DLGAP2: variants seen among roughly 807,000 people sequenced by gnomAD.
DLGAP2 encodes DLG associated protein 2.
Under a neutral mutation model 100.3 loss-of-function variants are expected in DLGAP2, and 26 were observed. The ratio of observed to expected loss-of-function variants is 0.26; its 90% CI spans 0.19 to 0.36. The LOEUF (loss-of-function observed/expected upper bound fraction) is 0.36, where lower values mean the gene tolerates loss of function less well. Among genes scored for constraint, DLGAP2 ranks in the 10% least tolerant of loss-of-function variants. The pLI is 1.00. For synonymous variants in DLGAP2, 886 were observed against 630.1 expected, an observed-to-expected ratio of 1.41 and a Z score of -6.08; for missense variants, 1,858 against 1,453.2, an observed-to-expected ratio of 1.28 and a Z score of -4.53.
At chr8:1,666,913 C>T (rs1448595680) in intron 8 of DLGAP2, among the ~76,000 whole-genome samples, 2 of 152,142 alleles carry the variant, frequency 1.3e-5, no homozygotes. Flanking sequence ...CCTGCAGCAG[C>T]CGGCAGCTGC....
At chr8:1,002,038 C>G (rs777600583) in intron 2 of DLGAP2, 1 of 152,186 alleles carries the variant, frequency 6.6e-6, no homozygotes, top group Non-Finnish European at 1.5e-5. Flanking sequence ...TGGGACTGTG[C>G]TACCTGTTTA....
chr8:759,728 T>C (rs1166760510), intron 1 of DLGAP2, among the ~76,000 whole-genome samples: 4 of 152,210 alleles, frequency 2.6e-5, no homozygotes, highest in Non-Finnish European at 4.4e-5. Flanking sequence ...GGGGATGACT[T>C]ACACGCCCCT....
At chr8:1,381,782 AGTGTG>A (rs1291547953) in intron 3 of DLGAP2, among the ~76,000 whole-genome samples, 1 of 141,694 alleles carries the variant, frequency 7.1e-6, no homozygotes, top group Non-Finnish European at 1.5e-5. Flanking sequence ...GGGTTATTCT[AGTGTG>A]TGTGTGTGTG....
chr8:1,506,745 T>C (rs1799934202), intron 4 of DLGAP2, among the ~76,000 whole-genome samples: 1 of 152,220 alleles, frequency 6.6e-6, no homozygotes, highest in Admixed American at 6.5e-5. Flanking sequence ...GACAGGGTGC[T>C]GATTGGTGCA....
intron 3 of DLGAP2, among the ~76,000 whole-genome samples, chr8:1,424,527 G>T (rs1266396486): frequency 6.6e-6 from 1 of 152,240 alleles, no homozygotes; most frequent in Admixed American, 6.5e-5. Context: ...TACGACTTGG[G>T]TGAACCCTGA....
At chr8:900,110 C>T (rs1368335634) in intron 1 of DLGAP2, among the ~76,000 whole-genome samples, 1 of 152,078 alleles carries the variant, frequency 6.6e-6, no homozygotes, top group Non-Finnish European at 1.5e-5. Context: ...TGGGCGGCCT[C>T]CTCTTCACGG....
At position 1,156,727 on chromosome 8, in the gene DLGAP2, C is replaced by T. The variant is rs544720660; in HGVS notation, c.74-102124C>T. On this transcript the variant is annotated intron_variant, in intron 2 of 14. Coordinates refer to ENST00000637795, the MANE Select transcript of DLGAP2 (RefSeq NM_001346810.2). The stretch of plus-strand genomic sequence containing the variant: ...CCGGCTCAGCGACCCGGCTCAGCAC[C>T]CCAACTCAGCACCCCCGTTTGGTGC... Among the ~76,000 whole-genome samples, 4 of 152,218 alleles carry T rather than the reference C, an allele frequency of 2.6e-5. No individual in the cohort carries two copies. The East Asian group carries it at 7.7e-4, about 29-fold the overall frequency.
At chr8:1,338,831 T>C (rs75275280) in intron 3 of DLGAP2, among the ~76,000 whole-genome samples, 24,479 of 60,456 alleles carry the variant, frequency 0.4, 7,410 homozygotes, top group African/African-American at 0.75. Flanking sequence ...CTAAGGGAAG[T>C]GTCAGGACCT....
chr8:1,684,035 G>A (rs573222034), intron 12 of DLGAP2, among the ~76,000 whole-genome samples: 24 of 143,426 alleles, frequency 1.7e-4, no homozygotes, highest in African/African-American at 5.5e-4. Flanking sequence ...AGGCTGGAGC[G>A]CAGTGGCGCG....
intron 2 of DLGAP2, among the ~76,000 whole-genome samples, chr8:947,656 C>T (rs1317170281): frequency 6.6e-6 from 1 of 152,200 alleles, no homozygotes; most frequent in Non-Finnish European, 1.5e-5. Context: ...GCTGTCTGCT[C>T]TTGGCCGGGC....
At chr8:1,572,773 G>A (rs1196559298) in intron 6 of DLGAP2, among the ~76,000 whole-genome samples, 1 of 89,946 alleles carries the variant, frequency 1.1e-5, no homozygotes, top group African/African-American at 4.6e-5. Flanking sequence ...GGAGAGAGGG[G>A]TGAACTGTGG....
At chr8:1,382,998 C>A (rs947098247) in intron 3 of DLGAP2, among the ~76,000 whole-genome samples, 2 of 152,072 alleles carry the variant, frequency 1.3e-5, no homozygotes, top group African/African-American at 2.4e-5. Context: ...CAGGCTGATA[C>A]AATTAGCATA....
At chr8:1,561,513 T>G (rs963045721) in intron 5 of DLGAP2, among the ~76,000 whole-genome samples, 11 of 152,114 alleles carry the variant, frequency 7.2e-5, no homozygotes, top group Non-Finnish European at 1.2e-4. Flanking sequence ...AATCTGGAAC[T>G]TCCCATCCTG....
intron 6 of DLGAP2, among the ~76,000 whole-genome samples, chr8:1,623,588 T>C (rs559671836): frequency 7.5e-4 from 110 of 146,144 alleles, no homozygotes; most frequent in Admixed American, 1.6e-3. Context: ...GACACCAGTG[T>C]GTGATGACCT....
intron 2 of DLGAP2, among the ~76,000 whole-genome samples, chr8:974,739 C>G (rs936863402): frequency 2.0e-5 from 3 of 151,782 alleles, no homozygotes; most frequent in African/African-American, 7.3e-5. Context: ...TTTTGAGATA[C>G]CAAAAAGGCC....
intron 3 of DLGAP2, among the ~76,000 whole-genome samples, chr8:1,410,227 T>C (rs1158644891): frequency 6.6e-6 from 1 of 152,162 alleles, no homozygotes; most frequent in East Asian, 1.9e-4. Context: ...GGAATCTCAC[T>C]GGCTTCAGAG....
chr8:1,592,171 C>T lies in DLGAP2; in HGVS notation c.1442+26277C>T, dbSNP rs114012540. Among the ~76,000 whole-genome samples, 431 of 152,354 alleles carry T rather than the reference C, an allele frequency of 2.8e-3. 4 individuals carry two copies. The highest frequency in any genetic ancestry group is 9.7e-3 in the African/African-American group (405 of 41,592). On this transcript the variant is annotated intron_variant, in intron 6 of 14. Coordinates refer to ENST00000637795, the MANE Select transcript of DLGAP2 (RefSeq NM_001346810.2). ...GCCCAGGCTTACCTAACGGGGCCAT[C>T]TCCTGGCCGCAGCTCTCCATGGTTC...
At chr8:1,001,917 GT>G (rs1800970524) in intron 2 of DLGAP2, among the ~76,000 whole-genome samples, 1 of 152,182 alleles carries the variant, frequency 6.6e-6, no homozygotes, top group African/African-American at 2.4e-5. Flanking sequence ...AGTGATCCCT[GT>G]TAAAGCGTGT....
chr8:1,586,410 T>A, intron 6 of DLGAP2, among the ~76,000 whole-genome samples: 1 of 152,236 alleles, frequency 6.6e-6, no homozygotes, highest in South Asian at 2.1e-4. Flanking sequence ...GGGGTCTCTC[T>A]CACTCTGCAG....
Sources: gnomAD v4.1 joint callset for allele counts (sites outside exome capture counted in the v4.1 genomes callset) on GRCh38, gnomAD v4.1.1 for gene constraint, MANE v1.5 for transcripts, NCBI Gene and HGNC (gene_info 2026-07-23, HGNC 2026-07-21) for gene names.